ADAMTS3: variants seen among roughly 807,000 people sequenced by gnomAD.
ADAMTS3 encodes A disintegrin and metalloproteinase with thrombospondin motifs 3.
ADAMTS3 carries 73 observed loss-of-function variants against 129.0 expected under a neutral mutation model. The ratio of observed to expected loss-of-function variants is 0.57; its 90% CI spans 0.47 to 0.69. The LOEUF (loss-of-function observed/expected upper bound fraction) is 0.69. Ranked by LOEUF, ADAMTS3 falls within the 30% of genes least tolerant of loss-of-function variation. The probability of loss-of-function intolerance (pLI) is 0.00; values close to 1 mark genes in which losing one functional copy is unlikely to be tolerated. For missense variants in ADAMTS3, 1,457 were observed against 1,514.5 expected, an observed-to-expected ratio of 0.96 and a Z score of 0.63; for synonymous variants, 477 against 510.8, an observed-to-expected ratio of 0.93 and a Z score of 0.89.
chr4:72,342,009 T>C (rs1720150851), intron 4 of ADAMTS3, among the ~76,000 whole-genome samples: 1 of 152,214 alleles, frequency 6.6e-6, no homozygotes, highest in Non-Finnish European at 1.5e-5. Context: ...GGCTGTGAAA[T>C]ACCTTCATTC....
chr4:72,549,821 G>A (rs1424240991), intron 2 of ADAMTS3, among the ~76,000 whole-genome samples: 3 of 150,724 alleles, frequency 2.0e-5, no homozygotes, highest in African/African-American at 7.3e-5. Flanking sequence ...CCAAATATAA[G>A]TATTTTGTCT....
intron 4 of ADAMTS3, among the ~76,000 whole-genome samples, chr4:72,389,915 G>T (rs201643296): frequency 6.2e-5 from 2 of 32,046 alleles, no homozygotes; most frequent in African/African-American, 7.8e-5. Flanking sequence ...TTTTTCTAAT[G>T]ATAAGGAGAG....
chr4:72,360,689 A>G (rs1034464190), intron 4 of ADAMTS3, among the ~76,000 whole-genome samples: 6 of 152,054 alleles, frequency 3.9e-5, no homozygotes, highest in Admixed American at 3.3e-4. Flanking sequence ...TGACTTTCAT[A>G]CCTAAGATAT....
At chr4:72,503,470 T>G (rs191550464) in intron 3 of ADAMTS3, among the ~76,000 whole-genome samples, 9 of 152,332 alleles carry the variant, frequency 5.9e-5, no homozygotes, top group Non-Finnish European at 1.3e-4. Context: ...TCTGAGATTA[T>G]AGTTGGTATG....
In ADAMTS3 at chr4:72,298,391, T is replaced by C; in HGVS notation, c.2476A>G (p.Ile826Val). 1 of 1,612,738 alleles carries C rather than the reference T, an allele frequency of 6.2e-7. No homozygotes were observed. Among genetic ancestry groups the C allele is most frequent in the East Asian group, 2.2e-5 (1 of 44,818 alleles). ...ATTGTAGGTACAGAGTCTTCATGGA[T>C]GATGTACTTATATGTCAGGCTAGAG... Reference protein sequence around the residue: ...TRSSLTYKYIIHEDSVPTINS... With the variant: ...TRSSLTYKYIVHEDSVPTINS... Residue 826 changes from isoleucine (I) to valine (V), a missense_variant, in exon 18 of 22, where the codon ATC becomes GTC. Ile to Val is a conservative substitution (Grantham distance 29). Coordinates refer to ENST00000286657, the MANE Select transcript of ADAMTS3 (RefSeq NM_014243.3).
chr4:72,544,821 C>T (rs1428157397), intron 3 of ADAMTS3, among the ~76,000 whole-genome samples: 1 of 152,030 alleles, frequency 6.6e-6, no homozygotes, highest in Non-Finnish European at 1.5e-5. Context: ...AAAGTACTTC[C>T]CATGCCTCTA....
chr4:72,422,347 G>A (rs1722467357), intron 3 of ADAMTS3, among the ~76,000 whole-genome samples: 1 of 151,902 alleles, frequency 6.6e-6, no homozygotes, highest in South Asian at 2.1e-4. Context: ...ATAAAGTCCT[G>A]CATTGATATA....
intron 3 of ADAMTS3, among the ~76,000 whole-genome samples, chr4:72,542,326 G>A (rs542043821): frequency 6.8e-4 from 103 of 151,930 alleles, no homozygotes; most frequent in Non-Finnish European, 1.3e-3. Context: ...CACCACGCCC[G>A]GCTAATTTTT....
intron 3 of ADAMTS3, among the ~76,000 whole-genome samples, chr4:72,472,398 G>A (rs1264777894): frequency 1.3e-5 from 2 of 152,058 alleles, no homozygotes; most frequent in African/African-American, 2.4e-5. Context: ...GCAATTCACT[G>A]TAGGTTTATA....
chr4:72,550,310 C>T (rs149986892), intron 2 of ADAMTS3, among the ~76,000 whole-genome samples: 5 of 152,058 alleles, frequency 3.3e-5, no homozygotes, highest in South Asian at 2.1e-4. Context: ...AATGAACCTA[C>T]GTCTTATGCT....
In ADAMTS3 at chr4:72,311,187, T is replaced by G. The variant is rs201958567; in HGVS notation, c.1922-6A>C. 4 of 1,606,180 alleles carry G rather than the reference T, an allele frequency of 2.5e-6. No homozygotes were observed. In the South Asian group the frequency reaches 4.5e-5, roughly 18 times the overall value. ...AAGGTGGCATCTTTTCTTGGCTGCATAAGATGGAGGATAAAATTAACTATT... is the reference window on the plus strand; with the variant it reads ...AAGGTGGCATCTTTTCTTGGCTGCAGAAGATGGAGGATAAAATTAACTATT... On this transcript the variant is annotated splice_region_variant and splice_polypyrimidine_tract_variant and intron_variant, in intron 13 of 21. Coordinates refer to ENST00000286657, the MANE Select transcript of ADAMTS3 (RefSeq NM_014243.3).
chr4:72,499,151 A>T (rs1719944350), intron 3 of ADAMTS3, among the ~76,000 whole-genome samples: 1 of 152,158 alleles, frequency 6.6e-6, no homozygotes, highest in East Asian at 1.9e-4. Flanking sequence ...CTGGAATCTG[A>T]AAGGTCTGTA....
At chr4:72,335,887 A>G (rs570948969) in intron 5 of ADAMTS3, among the ~76,000 whole-genome samples, 1 of 152,212 alleles carries the variant, frequency 6.6e-6, no homozygotes, top group South Asian at 2.1e-4. Context: ...CCTCTACATT[A>G]TTTATATTCA....
chr4:72,325,393 T>C (rs1719673413), intron 5 of ADAMTS3, among the ~76,000 whole-genome samples: 1 of 152,144 alleles, frequency 6.6e-6, no homozygotes, highest in Non-Finnish European at 1.5e-5. Context: ...TCTGATAACA[T>C]ATTCCTAACT....
intron 2 of ADAMTS3, among the ~76,000 whole-genome samples, chr4:72,557,459 G>A (rs1284564791): frequency 6.6e-6 from 1 of 151,614 alleles, no homozygotes; most frequent in African/African-American, 2.4e-5. Flanking sequence ...AATCCTCTAG[G>A]CTCTTATCAC....
chr4:72,405,429 G>C (rs1383816120), intron 4 of ADAMTS3, among the ~76,000 whole-genome samples: 1 of 152,044 alleles, frequency 6.6e-6, no homozygotes, highest in Non-Finnish European at 1.5e-5. Flanking sequence ...TCAATATTCA[G>C]CTCCTGGATT....
At chr4:72,436,757 C>T (rs974399523) in intron 3 of ADAMTS3, among the ~76,000 whole-genome samples, 2 of 150,906 alleles carry the variant, frequency 1.3e-5, no homozygotes, top group Admixed American at 6.6e-5. Flanking sequence ...ATCGCAAGGA[C>T]AGAAAACCAA....
Position 72,550,044 on chromosome 4 carries a change from AG to A in ADAMTS3, c.98-1161del, listed in dbSNP as rs1721594008. ...GAAGAAGAAGAAGAAGAAGAAGAAG[AG>A]GAAGAGGAAGAGGAAGAGGAAGAGG... On this transcript the variant is annotated intron_variant, in intron 2 of 21. Transcript: ENST00000286657. Among the ~76,000 whole-genome samples the A allele has an allele frequency of 1.2e-4, 2 of 16,134 alleles. 1 individual carries two copies. The highest frequency in any genetic ancestry group is 7.1e-4 in the African/African-American group (2 of 2,824). The allele number at this position is 16,134 out of a possible 152,430, so 10.6% of individuals were successfully genotyped here.
intron 4 of ADAMTS3, among the ~76,000 whole-genome samples, chr4:72,362,883 T>C (rs888976611): frequency 1.3e-5 from 2 of 152,120 alleles, no homozygotes; most frequent in African/African-American, 4.8e-5. Context: ...GGTTATAGAT[T>C]GTACTGAAGA....
Sources: allele counts gnomAD v4.1 joint callset (sites outside exome capture counted in the v4.1 genomes callset), GRCh38; gene constraint gnomAD v4.1.1; transcripts MANE v1.5; gene names NCBI Gene and HGNC (gene_info 2026-07-23, HGNC 2026-07-21).